The following PIEZO2 variants were observed in gnomAD, a reference collection of about 807,000 sequenced individuals.
PIEZO2 encodes the protein piezo type mechanosensitive ion channel component 2.
A neutral mutation model predicts 337.3 loss-of-function variants in PIEZO2; 172 were observed. The observed-to-expected ratio is 0.51, with a 90% CI of 0.45 to 0.58. The LOEUF is 0.58. PIEZO2 is among the 20% of genes least tolerant of loss of function. PIEZO2 has a pLI of 0.00. For synonymous variants in PIEZO2, 1,251 were observed against 1,228.5 expected (o/e 1.02, Z -0.38); for missense variants, 3,028 against 3,391.3 (o/e 0.89, Z 2.66).
At chr18:10,835,927 A>T (rs2040997574) in intron 7 of PIEZO2, among the ~76,000 whole-genome samples, 1 of 152,252 alleles carries the variant, frequency 6.6e-6, no homozygotes, top group Admixed American at 6.5e-5. Flanking sequence ...AGATCGGATG[A>T]AAGTTTTTAT....
At chr18:11,030,186 A>C (rs2036679947) in intron 2 of PIEZO2, among the ~76,000 whole-genome samples, 1 of 152,202 alleles carries the variant, frequency 6.6e-6, no homozygotes, top group South Asian at 2.1e-4. Context: ...AACACAACTA[A>C]GGTGTCAAGT....
chr18:10,898,665 G>A (rs920422058), intron 4 of PIEZO2, among the ~76,000 whole-genome samples: 8 of 152,148 alleles, frequency 5.3e-5, no homozygotes, highest in African/African-American at 1.9e-4. Context: ...ATGAGGTAAG[G>A]AAATATTGGA....
intron 2 of PIEZO2, among the ~76,000 whole-genome samples, chr18:11,063,952 G>C (rs2038059763): frequency 6.6e-6 from 1 of 151,712 alleles, no homozygotes; most frequent in South Asian, 2.1e-4. Context: ...TCTAACTTTT[G>C]ACTTCCCTGG....
intron 42 of PIEZO2, among the ~76,000 whole-genome samples, chr18:10,704,129 G>C (rs2035461363): frequency 6.6e-6 from 1 of 152,328 alleles, no homozygotes; most frequent in Non-Finnish European, 1.5e-5. Context: ...TTGATGCTGT[G>C]TCCTTATCTG....
intron 2 of PIEZO2, among the ~76,000 whole-genome samples, chr18:11,061,129 A>T (rs1387487461): frequency 5.9e-5 from 9 of 152,256 alleles, no homozygotes; most frequent in African/African-American, 2.2e-4. Context: ...GTAATCCAGC[A>T]TATAAACAGA....
chr18:10,886,657 T>G (rs976145958), intron 4 of PIEZO2, among the ~76,000 whole-genome samples: 3 of 151,002 alleles, frequency 2.0e-5, no homozygotes, highest in Admixed American at 1.3e-4. Context: ...GTGAATGTGA[T>G]CTCTCTTTCT....
At chr18:10,694,573 G>A (rs2035000310) in intron 47 of PIEZO2, among the ~76,000 whole-genome samples, 1 of 152,196 alleles carries the variant, frequency 6.6e-6, no homozygotes, top group African/African-American at 2.4e-5. Flanking sequence ...GCTCATGCCT[G>A]CAATCCTAGC....
Position 11,001,229 on chromosome 18 carries a change from C to A in PIEZO2, c.161-21569G>T, listed in dbSNP as rs2035521769. On this transcript the variant is annotated intron_variant, in intron 2 of 55. Coordinates refer to ENST00000674853, the MANE Select transcript of PIEZO2 (RefSeq NM_001378183.1). The surrounding 1 kb of genome is among the most constrained non-coding windows in gnomAD (Gnocchi z 5.3). ...CAGGGCTGCCGCTAGCATATGGTCTCCAGCTCAGAAGGTACTTTATGGCTT... is the reference window on the plus strand; with the variant it reads ...CAGGGCTGCCGCTAGCATATGGTCTACAGCTCAGAAGGTACTTTATGGCTT... Among the ~76,000 whole-genome samples the A allele has an allele frequency of 6.6e-6, 1 of 152,166 alleles. No individual in the cohort carries two copies. Among genetic ancestry groups the A allele is most frequent in the Non-Finnish European group, 1.5e-5 (1 of 68,038 alleles).
chr18:10,889,902 G>A (rs1015811684), intron 4 of PIEZO2, among the ~76,000 whole-genome samples: 3 of 152,310 alleles, frequency 2.0e-5, no homozygotes, highest in African/African-American at 7.2e-5. Context: ...CTCCCCATCG[G>A]GGTCCCACTT....
rs372777040 is a variant in PIEZO2 at position 10,691,486 on chromosome 18, A to C, written c.7191-103T>G. 39 of 1,215,420 alleles carry C rather than the reference A, an allele frequency of 3.2e-5. No individual in the cohort carries two copies. In the Middle Eastern group the frequency reaches 6.3e-4, roughly 20 times the overall value. 75.3% of individuals were successfully genotyped at this position (1,215,420 alleles called of 1,614,324 possible). A position where few individuals can be genotyped will look rare whatever the true frequency, so the allele number is the denominator to read the frequency against. ...AACAGGCCAACAGAATTTCCCCTTC[A>C]TCATTCCAACTCAATTCTAATGAAC... is the stretch of plus-strand genomic sequence containing the variant. On this transcript the variant is annotated intron_variant, in intron 47 of 55. Coordinates refer to ENST00000674853, the MANE Select transcript of PIEZO2 (RefSeq NM_001378183.1).
At position 11,030,979 on chromosome 18, in the gene PIEZO2, G is replaced by T. The variant is rs111244961; in HGVS notation, c.160+35148C>A. On this transcript the variant is annotated intron_variant, in intron 2 of 55. Transcript: ENST00000674853. ...TAGTCCACTTCAATGCAATGAAGTT[G>T]CTTCTGGAATTTTGTTGTTGTTGTT... is the stretch of plus-strand genomic sequence containing the variant. Among the ~76,000 whole-genome samples the T allele has an allele frequency of 3.6e-3, 528 of 147,752 alleles. 5 individuals carry two copies. Among genetic ancestry groups the T allele is most frequent in the African/African-American group, 0.013 (491 of 38,540 alleles).
chr18:10,841,167 T>C (rs536769605), intron 7 of PIEZO2, among the ~76,000 whole-genome samples: 8 of 152,270 alleles, frequency 5.3e-5, no homozygotes, highest in South Asian at 4.1e-4. Flanking sequence ...TATGATACAA[T>C]GATTTGGCAG....
intron 2 of PIEZO2, among the ~76,000 whole-genome samples, chr18:11,017,276 CTTA>C (rs917024165): frequency 2.0e-5 from 3 of 152,130 alleles, no homozygotes; most frequent in Non-Finnish European, 2.9e-5. Flanking sequence ...TAAGTGATAT[CTTA>C]TTAATGGTAA....
rs2039535535 is a variant in PIEZO2, at chr18:11,105,571, T to C, written c.65-39349A>G. 6.6e-6 allele frequency among the ~76,000 whole-genome samples: 1 copy of C among 152,002 alleles called. No homozygotes were observed. Among genetic ancestry groups the C allele is most frequent in the Non-Finnish European group, 1.5e-5 (1 of 68,010 alleles). ...GTGTGGGGTTTTGACGAAATGAACA[T>C]ACTCATCCTTTATCTGTACAACTAT... On this transcript the variant is annotated intron_variant, in intron 1 of 55. Coordinates refer to ENST00000674853, the MANE Select transcript of PIEZO2 (RefSeq NM_001378183.1). The surrounding 1 kb of genome is among the most constrained non-coding windows in gnomAD (Gnocchi z 4.3).
At chr18:11,114,931 T>C (rs572722306) in intron 1 of PIEZO2, among the ~76,000 whole-genome samples, 5 of 152,318 alleles carry the variant, frequency 3.3e-5, no homozygotes, top group African/African-American at 1.2e-4. Context: ...AGCAATTTGT[T>C]TGACTTTGAA....
At position 11,003,988 on chromosome 18, in the gene PIEZO2, G is replaced by A. The variant is rs1249185855; in HGVS notation, c.161-24328C>T. Among the ~76,000 whole-genome samples, 1 of 152,186 alleles carries A rather than the reference G, an allele frequency of 6.6e-6. No individual in the cohort carries two copies. Among genetic ancestry groups the A allele is most frequent in the Non-Finnish European group, 1.5e-5 (1 of 68,026 alleles). On this transcript the variant is annotated intron_variant, in intron 2 of 55. Transcript: ENST00000674853. The surrounding 1 kb of genome is among the most constrained non-coding windows in gnomAD (Gnocchi z 4.6). Reference sequence around the variant, plus strand: ...CCCATGTTATGCCTTCCACAACTCTGACCCTAAACAAATGATGGTTTCCAT... The same window carrying A: ...CCCATGTTATGCCTTCCACAACTCTAACCCTAAACAAATGATGGTTTCCAT...
intron 18 of PIEZO2, among the ~76,000 whole-genome samples, chr18:10,776,847 A>T (rs1358200289): frequency 6.6e-6 from 1 of 152,000 alleles, no homozygotes; most frequent in Non-Finnish European, 1.5e-5. Context: ...ATGGATCTTG[A>T]TTTTCCAAAA....
At chr18:10,785,384 TAC>T (rs2039181990) in intron 16 of PIEZO2, among the ~76,000 whole-genome samples, 1 of 152,230 alleles carries the variant, frequency 6.6e-6, no homozygotes, top group Non-Finnish European at 1.5e-5. Flanking sequence ...TCTGTGGATT[TAC>T]ACATCATCCT....
chr18:10,913,442 T>A (rs1160846599), intron 3 of PIEZO2, among the ~76,000 whole-genome samples: 2 of 152,182 alleles, frequency 1.3e-5, no homozygotes, highest in African/African-American at 4.8e-5. Flanking sequence ...TCGGCTTGAC[T>A]TCTCTTGCTT....
Sources: gnomAD v4.1 joint callset for allele counts (sites outside exome capture counted in the v4.1 genomes callset) on GRCh38, gnomAD v4.1.1 for gene constraint, Gnocchi (gnomAD v3.1) non-coding constraint, MANE v1.5 for transcripts, NCBI Gene and HGNC (gene_info 2026-07-23, HGNC 2026-07-21) for gene names.